The following CHODL variants were observed in gnomAD, a reference collection of about 807,000 sequenced individuals.
CHODL encodes chondrolectin, also known as transmembrane protein MT75.
In CHODL, 29 loss-of-function variants were observed where a neutral mutation model predicts 34.5. The observed-to-expected ratio is 0.84, with a 90% CI of 0.63 to 1.15. The LOEUF (loss-of-function observed/expected upper bound fraction) is 1.15. CHODL is among the 50% of genes most tolerant of loss of function. The pLI is 0.00. For missense variants in CHODL, 332 were observed against 332.5 expected, an observed-to-expected ratio of 1.00 and a Z score of 0.01; for synonymous variants, 125 against 116.1, an observed-to-expected ratio of 1.08 and a Z score of -0.49.
chr21:17,938,540 T>G (rs982937731), intron 1 of CHODL, among the ~76,000 whole-genome samples: 3 of 127,236 alleles, frequency 2.4e-5, no homozygotes, highest in Non-Finnish European at 3.2e-5. Flanking sequence ...GTGCAGTGGC[T>G]CGATCTCGGC....
chr21:17,938,493 TAA>T (rs1225914645), intron 1 of CHODL, among the ~76,000 whole-genome samples: 8,679 of 53,224 alleles, frequency 0.16, 2,847 homozygotes, highest in Admixed American at 0.17. Flanking sequence ...TTTTTTTTTT[TAA>T]GGAAAGGGAG....
At chr21:18,255,855 A>C (rs2146810539) in intron 1 of CHODL, among the ~76,000 whole-genome samples, 1 of 152,176 alleles carries the variant, frequency 6.6e-6, no homozygotes, top group Middle Eastern at 3.4e-3. Context: ...AGACCCCAGA[A>C]AATACTCAAA....
At chr21:18,105,364 G>T (rs1419732856) in intron 2 of CHODL, among the ~76,000 whole-genome samples, 1 of 152,164 alleles carries the variant, frequency 6.6e-6, no homozygotes, top group East Asian at 1.9e-4. Flanking sequence ...TATCCCAATT[G>T]TGGCTGACAC....
chr21:18,061,327 G>A (rs892239468), intron 2 of CHODL, among the ~76,000 whole-genome samples: 3 of 152,120 alleles, frequency 2.0e-5, no homozygotes, highest in Non-Finnish European at 4.4e-5. Context: ...GAAACTGACA[G>A]GAAATACTAG....
At chr21:18,194,650 T>C (rs988058327) in intron 2 of CHODL, among the ~76,000 whole-genome samples, 1 of 151,978 alleles carries the variant, frequency 6.6e-6, no homozygotes, top group Non-Finnish European at 1.5e-5. Flanking sequence ...AAAAATTGTA[T>C]GCATGTATTT....
At chr21:17,922,535 T>G (rs1348013963) in intron 1 of CHODL, among the ~76,000 whole-genome samples, 6 of 152,246 alleles carry the variant, frequency 3.9e-5, no homozygotes. Context: ...GTAGCTCTGA[T>G]AAGGTTGTTA....
At chr21:18,001,662 AAG>A (rs1358385503) in intron 1 of CHODL, among the ~76,000 whole-genome samples, 4 of 152,114 alleles carry the variant, frequency 2.6e-5, no homozygotes, top group Admixed American at 1.3e-4. Flanking sequence ...CTAGGTAAGG[AAG>A]AGAGAGAATT....
chr21:18,194,743 A>G (rs565256454), intron 2 of CHODL, among the ~76,000 whole-genome samples: 1 of 152,216 alleles, frequency 6.6e-6, no homozygotes, highest in South Asian at 2.1e-4. Context: ...CACCTTACAT[A>G]CTTATCATTT....
chr21:18,193,294 A>T (rs1385955547), intron 2 of CHODL, among the ~76,000 whole-genome samples: 1 of 152,130 alleles, frequency 6.6e-6, no homozygotes, highest in Admixed American at 6.5e-5. Context: ...GAGATCCACA[A>T]TGTTTTTTAA....
At chr21:18,128,367 A>AAAC (rs1484901939) in intron 2 of CHODL, among the ~76,000 whole-genome samples, 3 of 150,478 alleles carry the variant, frequency 2.0e-5, no homozygotes, top group Admixed American at 1.3e-4. Flanking sequence ...GAACCTAAAC[A>AAAC]AACTACAAAT....
intron 1 of CHODL, among the ~76,000 whole-genome samples, chr21:18,011,361 C>T (rs767381821): frequency 5.3e-4 from 81 of 152,010 alleles, no homozygotes; most frequent in Non-Finnish European, 1.0e-3. Flanking sequence ...GACAGCAAGG[C>T]AAGAAAAGAT....
chr21:18,065,165 A>G (rs2064716229), intron 2 of CHODL, among the ~76,000 whole-genome samples: 1 of 152,200 alleles, frequency 6.6e-6, no homozygotes, highest in African/African-American at 2.4e-5. Flanking sequence ...ACATACACAA[A>G]TGTACTCACA....
chr21:18,203,697 T>C (rs1386344039), intron 2 of CHODL, among the ~76,000 whole-genome samples: 2 of 152,126 alleles, frequency 1.3e-5, no homozygotes, highest in African/African-American at 4.8e-5. Context: ...ATTTAGAAAA[T>C]AAAGCCTAAC....
intron 1 of CHODL, among the ~76,000 whole-genome samples, chr21:17,994,275 G>A (rs1331167548): frequency 6.6e-6 from 1 of 152,134 alleles, no homozygotes; most frequent in East Asian, 1.9e-4. Flanking sequence ...AGCATGCTTG[G>A]GTACAGGTGG....
In CHODL at chr21:18,070,496, C is replaced by T. The variant is rs1175789265; in HGVS notation, c.-45+42525C>T. Reference sequence around the variant, plus strand: ...AGATGAGATAAAACTGTACTAAGTTCGAGAGTAAGCAAATATTTCATAATG... The same window carrying T: ...AGATGAGATAAAACTGTACTAAGTTTGAGAGTAAGCAAATATTTCATAATG... On this transcript the variant is annotated intron_variant, in intron 2 of 6. Coordinates refer to the CHODL transcript ENST00000400127. 2.6e-4 allele frequency among the ~76,000 whole-genome samples: 39 copies of T among 151,940 alleles called. 1 individual carries two copies. The highest frequency in any genetic ancestry group is 7.4e-5 in the Non-Finnish European group (5 of 67,990).
intron 2 of CHODL, among the ~76,000 whole-genome samples, chr21:18,216,657 A>G (rs986759591): frequency 2.6e-5 from 4 of 152,198 alleles, no homozygotes; most frequent in Non-Finnish European, 5.9e-5. Context: ...GAGACTGGGT[A>G]ATTTATAAAG....
intron 1 of CHODL, among the ~76,000 whole-genome samples, chr21:17,990,202 A>G (rs538518456): frequency 2.0e-5 from 3 of 152,024 alleles, no homozygotes; most frequent in Non-Finnish European, 4.4e-5. Context: ...ACATTATAAT[A>G]TAAAATAATG....
chr21:17,934,498 C>G (rs2063303830), intron 1 of CHODL, among the ~76,000 whole-genome samples: 1 of 152,036 alleles, frequency 6.6e-6, no homozygotes, highest in African/African-American at 2.4e-5. Context: ...GGCTTATCCT[C>G]AGTCAGGGTT....
rs148835322 is a variant in CHODL at position 18,043,944 on chromosome 21, A to G, written c.-45+15973A>G. Reference sequence around the variant, plus strand: ...TCAGATCTTGTGAGACTTATTCACTATCACAGAACAGTATGTGGAAACCAT... The same window carrying G: ...TCAGATCTTGTGAGACTTATTCACTGTCACAGAACAGTATGTGGAAACCAT... On this transcript the variant is annotated intron_variant, in intron 2 of 6. Transcript: ENST00000400127. Among the ~76,000 whole-genome samples, 116 of 152,026 alleles carry G rather than the reference A, an allele frequency of 7.6e-4. 3 individuals are homozygous for G. In the East Asian group the frequency reaches 0.02, roughly 26 times the overall value.
Sources: gnomAD v4.1 joint callset for allele counts (sites outside exome capture counted in the v4.1 genomes callset) on GRCh38, gnomAD v4.1.1 for gene constraint, MANE v1.5 for transcripts, NCBI Gene and HGNC (gene_info 2026-07-23, HGNC 2026-07-21) for gene names.